Variants in UBE2O observed in about 807,000 individuals in gnomAD.
The protein encoded by UBE2O is ubiquitin conjugating enzyme E2 O, also known as (E3-independent) E2 ubiquitin-conjugating enzyme.
Under a neutral mutation model 125.8 loss-of-function variants are expected in UBE2O, and 15 were observed. That is an observed-to-expected ratio of 0.12 (90% confidence interval 0.08 to 0.18). The LOEUF is 0.18. Ranked by LOEUF, UBE2O falls within the 10% of genes least tolerant of loss-of-function variation. UBE2O has a pLI of 1.00. For synonymous variants in UBE2O, 708 were observed against 703.2 expected (o/e 1.01, Z -0.11); for missense variants, 1,280 against 1,723.6 (o/e 0.74, Z 4.56).
intron 1 of UBE2O, among the ~76,000 whole-genome samples, chr17:76,444,493 C>T (rs147941270): frequency 6.2e-4 from 95 of 152,294 alleles, no homozygotes; most frequent in African/African-American, 2.1e-3. Flanking sequence ...GGTGTGATCA[C>T]GCCACTGCAT....
At position 76,395,904 on chromosome 17, in the gene UBE2O, C is replaced by T; in HGVS notation, c.2810-43G>A. ...ATAGTCAGTCCCTCATGGAGAGGCCCTGGAGCTCCATCTGCCAACCTGGCT... is the reference window on the plus strand; with the variant it reads ...ATAGTCAGTCCCTCATGGAGAGGCCTTGGAGCTCCATCTGCCAACCTGGCT... On this transcript the variant is annotated intron_variant, in intron 14 of 17. Transcript: ENST00000319380. This position sits in a 1 kb window ranked among gnomAD's most constrained non-coding sequence, Gnocchi z 5.0. 6.2e-7 allele frequency: 1 copy of T among 1,610,958 alleles called. No individual in the cohort carries two copies. The highest frequency in any genetic ancestry group is 2.2e-5 in the East Asian group (1 of 44,874).
chr17:76,440,474 T>G (rs1393217149), intron 1 of UBE2O, among the ~76,000 whole-genome samples: 1 of 152,156 alleles, frequency 6.6e-6, no homozygotes, highest in Non-Finnish European at 1.5e-5. Context: ...ACTACAGGCG[T>G]AAGCTGCCAC....
intron 1 of UBE2O, among the ~76,000 whole-genome samples, chr17:76,448,094 A>G (rs908480439): frequency 6.6e-6 from 1 of 152,170 alleles, no homozygotes; most frequent in East Asian, 1.9e-4. Context: ...TTGGCTTCCA[A>G]TCACAGTACA....
intron 1 of UBE2O, among the ~76,000 whole-genome samples, chr17:76,436,299 T>A (rs2072997545): frequency 6.6e-6 from 1 of 152,074 alleles, no homozygotes; most frequent in Non-Finnish European, 1.5e-5. Context: ...AGAACAGCCA[T>A]CCACTGAAAT....
chr17:76,394,381 C>T (rs968067342), intron 15 of UBE2O, among the ~76,000 whole-genome samples: 1 of 152,180 alleles, frequency 6.6e-6, no homozygotes, highest in Admixed American at 6.5e-5. Flanking sequence ...ATGCACTCAG[C>T]GCTGCCTCAG....
rs534939939 is a variant in UBE2O at position 76,389,700 on chromosome 17, C to A, written c.*1243G>T. Reference sequence around the variant, plus strand: ...GTTCCAAATGCCACGGTGTGTGGTCCGGCTCCATCCTCCCGCAGCTCTGCT... The same window carrying A: ...GTTCCAAATGCCACGGTGTGTGGTCAGGCTCCATCCTCCCGCAGCTCTGCT... On this transcript the variant is annotated 3_prime_UTR_variant, in exon 18 of 18. Coordinates refer to ENST00000319380, the MANE Select transcript of UBE2O (RefSeq NM_022066.4). The A allele has an allele frequency of 1.3e-5, 2 of 152,180 alleles. No homozygotes were observed. Among genetic ancestry groups the A allele is most frequent in the African/African-American group, 4.8e-5 (2 of 41,510 alleles). The allele number at this position is 152,180 out of a possible 1,614,324, so 9.4% of individuals were successfully genotyped here.
Position 76,404,358 on chromosome 17 carries a change from G to A in UBE2O, c.588+848C>T, listed in dbSNP as rs905654420. Reference sequence around the variant, plus strand: ...ACCATGAACCAGGGCAGAGCTCTGCGGCGGGCCTGCCAAGAACACGTGGGC... The same window carrying A: ...ACCATGAACCAGGGCAGAGCTCTGCAGCGGGCCTGCCAAGAACACGTGGGC... On this transcript the variant is annotated intron_variant, in intron 3 of 17. Coordinates refer to ENST00000319380, the MANE Select transcript of UBE2O (RefSeq NM_022066.4). This position sits in a 1 kb window ranked among gnomAD's most constrained non-coding sequence, Gnocchi z 4.3. Among the ~76,000 whole-genome samples the A allele has an allele frequency of 2.5e-4, 38 of 152,274 alleles. No homozygotes were observed. Among genetic ancestry groups the A allele is most frequent in the African/African-American group, 7.7e-4 (32 of 41,570 alleles).
At chr17:76,445,996 A>C (rs1567857624) in intron 1 of UBE2O, among the ~76,000 whole-genome samples, 1 of 152,246 alleles carries the variant, frequency 6.6e-6, no homozygotes, top group African/African-American at 2.4e-5. Flanking sequence ...GCTACAGTTA[A>C]AAATACCGAG....
rs750683169 is a variant in UBE2O, at chr17:76,390,867, G to C, written c.*76C>G. The C allele has an allele frequency of 1.0e-5, 15 of 1,438,480 alleles. No individual in the cohort carries two copies. The highest frequency in any genetic ancestry group is 1.4e-5 in the Non-Finnish European group (15 of 1,065,506). 89.1% of individuals were successfully genotyped at this position (1,438,480 alleles called of 1,614,324 possible). A position where few individuals can be genotyped will look rare whatever the true frequency, so the allele number is the denominator to read the frequency against. On this transcript the variant is annotated 3_prime_UTR_variant, in exon 18 of 18. Coordinates refer to ENST00000319380, the MANE Select transcript of UBE2O (RefSeq NM_022066.4). ...TGGGGACAGAGGGGCATGGGAAGAG[G>C]GGTGATTCCGGGGGGGAGTGAGCAG...
intron 1 of UBE2O, among the ~76,000 whole-genome samples, chr17:76,446,760 T>C (rs1442524716): frequency 2.0e-5 from 3 of 152,060 alleles, no homozygotes; most frequent in African/African-American, 7.2e-5. Context: ...TTACGTGGAG[T>C]GTCTGCACAC....
intron 1 of UBE2O, among the ~76,000 whole-genome samples, chr17:76,419,112 T>G (rs1227305753): frequency 8.2e-6 from 1 of 121,654 alleles, no homozygotes; most frequent in African/African-American, 3.1e-5. Flanking sequence ...AGTGAGACCC[T>G]ATCTCTACAG....
chr17:76,435,929 T>G (rs2072989777), intron 1 of UBE2O, among the ~76,000 whole-genome samples: 3 of 152,212 alleles, frequency 2.0e-5, no homozygotes, highest in Admixed American at 2.0e-4. Context: ...TAGCTGGGGA[T>G]CCTGCAGATG....
chr17:76,417,301 A>C (rs2072632468), intron 1 of UBE2O, among the ~76,000 whole-genome samples: 1 of 152,274 alleles, frequency 6.6e-6, no homozygotes, highest in African/African-American at 2.4e-5. Flanking sequence ...GCATGGCCCA[A>C]GGAGGCCCCC....
chr17:76,390,927 C>T lies in UBE2O; in HGVS notation c.*16G>A. On this transcript the variant is annotated 3_prime_UTR_variant, in exon 18 of 18. Coordinates refer to ENST00000319380, the MANE Select transcript of UBE2O (RefSeq NM_022066.4). ...GGCCTCTCCCACGGTGATGCTCTTT[C>T]CTCTGTGCCTGGCAGCTACTTGTCC... The T allele has an allele frequency of 1.9e-6, 3 of 1,581,728 alleles. No homozygotes were observed. Among genetic ancestry groups the T allele is most frequent in the East Asian group, 4.5e-5 (2 of 44,656 alleles).
intron 1 of UBE2O, among the ~76,000 whole-genome samples, chr17:76,424,804 C>A (rs2072777374): frequency 6.6e-6 from 1 of 151,610 alleles, no homozygotes; most frequent in Non-Finnish European, 1.5e-5. Context: ...GGCAACAGAG[C>A]AAGACTCCAT....
chr17:76,399,266 C>A lies in UBE2O; in HGVS notation c.1628+183G>T. On this transcript the variant is annotated intron_variant, in intron 9 of 17. Transcript: ENST00000319380. The surrounding 1 kb of genome is among the most constrained non-coding windows in gnomAD (Gnocchi z 6.9). ...CACCATCCCACCCTCTGCACCACTC[C>A]TCAGTCTCTGCTTTCCACCAGGGCC... 1.4e-6 allele frequency: 1 copy of A among 735,980 alleles called. No homozygotes were observed. The highest frequency in any genetic ancestry group is 2.7e-5 in the East Asian group (1 of 37,676). 45.6% of individuals were successfully genotyped at this position (735,980 alleles called of 1,614,324 possible).
chr17:76,413,868 A>T (rs2072556351), intron 1 of UBE2O, among the ~76,000 whole-genome samples: 1 of 152,236 alleles, frequency 6.6e-6, no homozygotes, highest in East Asian at 1.9e-4. Context: ...AAATTGGCTC[A>T]AACAGTAAAA....
intron 1 of UBE2O, among the ~76,000 whole-genome samples, chr17:76,451,554 T>C (rs984462736): frequency 6.6e-6 from 1 of 152,166 alleles, no homozygotes; most frequent in Non-Finnish European, 1.5e-5. Flanking sequence ...CTCAAGCCGT[T>C]GTCACAGACC....
At position 76,404,567 on chromosome 17, in the gene UBE2O, G is replaced by C. The variant is rs1445518132; in HGVS notation, c.588+639C>G. ...TGGATCCGCAAAGAAGAAAAGAGTA[G>C]TGTTGGGACAACTGCATGTGGTCTG... On this transcript the variant is annotated intron_variant, in intron 3 of 17. Coordinates refer to ENST00000319380, the MANE Select transcript of UBE2O (RefSeq NM_022066.4). This position sits in a 1 kb window ranked among gnomAD's most constrained non-coding sequence, Gnocchi z 4.3. Among the ~76,000 whole-genome samples the C allele has an allele frequency of 6.6e-6, 1 of 152,252 alleles. No individual in the cohort carries two copies. Among genetic ancestry groups the C allele is most frequent in the Non-Finnish European group, 1.5e-5 (1 of 68,050 alleles).
Sources: gnomAD v4.1 joint callset for allele counts (sites outside exome capture counted in the v4.1 genomes callset) on GRCh38, gnomAD v4.1.1 for gene constraint, Gnocchi (gnomAD v3.1) non-coding constraint, MANE v1.5 for transcripts, NCBI Gene and HGNC (gene_info 2026-07-23, HGNC 2026-07-21) for gene names.